ATP6V1B2: variants seen among roughly 807,000 people sequenced by gnomAD.
ATP6V1B2 encodes ATPase H+ transporting V1 subunit B2.
In ATP6V1B2, 23 loss-of-function variants were observed where a neutral mutation model predicts 66.7. The ratio of observed to expected loss-of-function variants is 0.34; its 90% CI spans 0.25 to 0.49. The LOEUF is 0.49. Ranked by LOEUF, ATP6V1B2 falls within the 20% of genes least tolerant of loss-of-function variation. The pLI is 0.99. For missense variants in ATP6V1B2, 478 were observed against 650.8 expected (o/e 0.73, Z 2.89); for synonymous variants, 278 against 236.7 (o/e 1.17, Z -1.60).
chr8:20,214,926 G>A lies in ATP6V1B2; in HGVS notation c.1036G>A (p.Gly346Ser), dbSNP rs750265592. ...ERAGRVEGRN[G>S]SITQIPILTM... Reference sequence around the variant, plus strand: ...CGCTGGGCGAGTGGAAGGGAGAAACGGCTCGATTACTCAAATCCCTATTCT... The same window carrying A: ...CGCTGGGCGAGTGGAAGGGAGAAACAGCTCGATTACTCAAATCCCTATTCT... Residue 346 changes from glycine to serine, a missense_variant, in exon 10 of 14, where the codon GGC becomes AGC. Coordinates refer to ENST00000276390, the MANE Select transcript of ATP6V1B2 (RefSeq NM_001693.4). 10 of 1,613,402 alleles carry A rather than the reference G, an allele frequency of 6.2e-6. No individual in the cohort carries two copies. The highest frequency in any genetic ancestry group is 1.3e-5 in the African/African-American group (1 of 74,826).
chr8:20,208,433 C>T (rs536953990), intron 2 of ATP6V1B2, among the ~76,000 whole-genome samples: 1 of 152,272 alleles, frequency 6.6e-6, no homozygotes, highest in South Asian at 2.1e-4. Context: ...CTTTTCACAT[C>T]ACACAAAATA....
chr8:20,216,370 C>T (rs1417396459), intron 10 of ATP6V1B2, 43 bp from the exon 11 acceptor site: 1 of 1,558,806 alleles, frequency 6.4e-7, no homozygotes. Context: ...AAACTCATAA[C>T]CTAAAGATGC....
intron 5 of ATP6V1B2, among the ~76,000 whole-genome samples, chr8:20,210,924 C>T (rs765534041): frequency 3.9e-4 from 60 of 151,944 alleles, no homozygotes; most frequent in Non-Finnish European, 6.9e-4. Context: ...CTCTTATTTG[C>T]TATATCTTTA....
chr8:20,202,246 T>C (rs2072695307), intron 1 of ATP6V1B2, among the ~76,000 whole-genome samples: 2 of 152,190 alleles, frequency 1.3e-5, no homozygotes, highest in South Asian at 4.1e-4. Flanking sequence ...ATTTGGGCTG[T>C]AGTAGAGTCA....
At position 20,211,323 on chromosome 8, in the gene ATP6V1B2, A is replaced by G. The variant is rs751006883; in HGVS notation, c.603+7A>G. On this transcript the variant is annotated splice_region_variant and intron_variant, in intron 6 of 13. Coordinates refer to ENST00000276390, the MANE Select transcript of ATP6V1B2 (RefSeq NM_001693.4). ...TGGGCTACCACACAATGAGGTGAGG[A>G]CTGGGATCGGTTTGCTATGAAGTTT... 3 of 1,608,018 alleles carry G rather than the reference A, an allele frequency of 1.9e-6. No individual in the cohort carries two copies. The East Asian group carries it at 6.7e-5, about 36-fold the overall frequency.
At chr8:20,205,019 T>G (rs914400755) in intron 2 of ATP6V1B2, among the ~76,000 whole-genome samples, 1 of 152,200 alleles carries the variant, frequency 6.6e-6, no homozygotes, top group African/African-American at 2.4e-5. Flanking sequence ...AGATGAAACC[T>G]AGTGAGTTTA....
chr8:20,208,010 A>C (rs2072755816), intron 2 of ATP6V1B2, among the ~76,000 whole-genome samples: 1 of 152,250 alleles, frequency 6.6e-6, no homozygotes, highest in Non-Finnish European at 1.5e-5. Context: ...AACTAAAATG[A>C]TGCTGTTTTT....
intron 2 of ATP6V1B2, among the ~76,000 whole-genome samples, chr8:20,206,821 G>A (rs1030395828): frequency 3.3e-5 from 5 of 152,062 alleles, no homozygotes; most frequent in African/African-American, 1.2e-4. Context: ...CAGGGGATGG[G>A]GCTGAAATTT....
intron 1 of ATP6V1B2, among the ~76,000 whole-genome samples, chr8:20,198,203 G>C (rs1433976583): frequency 1.3e-5 from 2 of 152,208 alleles, no homozygotes; most frequent in African/African-American, 4.8e-5. Context: ...GAAGGGGTAG[G>C]ATTTGCCATG....
In ATP6V1B2 at chr8:20,220,339, G is replaced by A. The variant is rs754924967; in HGVS notation, c.1473G>A (p.Met491Ile). The A allele has an allele frequency of 1.9e-6, 3 of 1,604,356 alleles. No homozygotes were observed. Among genetic ancestry groups the A allele is most frequent in the Non-Finnish European group, 2.5e-6 (3 of 1,176,672 alleles). Reference protein sequence around the residue: ...WQLLRIFPKEMLKRIPQSTLS... With the variant: ...WQLLRIFPKEILKRIPQSTLS... Reference sequence around the variant, plus strand: ...TACTCCGAATCTTCCCCAAAGAAATGCTGAAGAGAATCCCTCAGAGCACCC... The same window carrying A: ...TACTCCGAATCTTCCCCAAAGAAATACTGAAGAGAATCCCTCAGAGCACCC... Residue 491 changes from methionine (M) to isoleucine (I), a missense_variant, in exon 14 of 14, where the codon ATG (methionine) becomes ATA (isoleucine). Physicochemically the swap from Met to Ile is conservative, Grantham distance 10. Transcript: ENST00000276390.
chr8:20,214,204 G>T (rs1054805751), intron 9 of ATP6V1B2: 1 of 152,190 alleles, frequency 6.6e-6, no homozygotes, highest in African/African-American at 2.4e-5. Context: ...CTATAGTCTG[G>T]TATCCATGTC....
In ATP6V1B2 at chr8:20,197,390, G is replaced by C. The variant is rs1313442232; in HGVS notation, c.-17G>C. ...GCGCGGCGTCGCTGCTGGGCCAGTC[G>C]GGACAGAGGAGACAAGATGGCGCTG... On this transcript the variant is annotated 5_prime_UTR_variant, in exon 1 of 14. Transcript: ENST00000276390. 4 of 1,506,022 alleles carry C rather than the reference G, an allele frequency of 2.7e-6. No homozygotes were observed. The highest frequency in any genetic ancestry group is 1.3e-5 in the South Asian group (1 of 79,880). The allele number at this position is 1,506,022 out of a possible 1,614,324, so 93.3% of individuals were successfully genotyped here. A position where few individuals can be genotyped will look rare whatever the true frequency, so the allele number is the denominator to read the frequency against.
intron 2 of ATP6V1B2, among the ~76,000 whole-genome samples, chr8:20,206,240 G>A (rs927375622): frequency 6.6e-6 from 1 of 152,154 alleles, no homozygotes; most frequent in Admixed American, 6.5e-5. Context: ...TAACAATTCA[G>A]TTCTTTGGGG....
chr8:20,217,002 CT>C, intron 11 of ATP6V1B2: 1 of 532,438 alleles, frequency 1.9e-6, no homozygotes, highest in South Asian at 2.2e-5. Flanking sequence ...ATAGATGACA[CT>C]TTTTTGGATT....
intron 13 of ATP6V1B2, 115 bp from the exon 14 acceptor site, chr8:20,220,148 C>CTT: frequency 4.2e-5 from 48 of 1,132,010 alleles, no homozygotes; most frequent in South Asian, 9.0e-5. Flanking sequence ...GGAGTCCCAA[C>CTT]TTTTTTTTTT....
In ATP6V1B2 at chr8:20,220,557, A is replaced by G; in HGVS notation, c.*155A>G. 1 of 1,085,094 alleles carries G rather than the reference A, an allele frequency of 9.2e-7. No individual in the cohort carries two copies. Among genetic ancestry groups the G allele is most frequent in the African/African-American group, 1.6e-5 (1 of 61,026 alleles). 67.2% of individuals were successfully genotyped at this position (1,085,094 alleles called of 1,614,324 possible). ...GGTAACATATTGTGCCAGTGTTGCA[A>G]CGTTTTAAACTGCTAACAGACCTTA... is the stretch of plus-strand genomic sequence containing the variant. On this transcript the variant is annotated 3_prime_UTR_variant, in exon 14 of 14. Transcript: ENST00000276390.
chr8:20,218,070 C>CTA, intron 12 of ATP6V1B2, 83 bp from the exon 13 acceptor site: 5 of 1,520,146 alleles, frequency 3.3e-6, no homozygotes, highest in Non-Finnish European at 4.4e-6. Flanking sequence ...GTGAGGAGAA[C>CTA]TAGAGCAGTA....
In ATP6V1B2 at chr8:20,220,666, G is replaced by A; in HGVS notation, c.*264G>A. 2.9e-6 allele frequency: 1 copy of A among 344,610 alleles called. No homozygotes were observed. The highest frequency in any genetic ancestry group is 5.1e-6 in the Non-Finnish European group (1 of 196,064). The allele number at this position is 344,610 out of a possible 1,614,324, so 21.3% of individuals were successfully genotyped here. On this transcript the variant is annotated 3_prime_UTR_variant, in exon 14 of 14. Coordinates refer to ENST00000276390, the MANE Select transcript of ATP6V1B2 (RefSeq NM_001693.4). ...GCGTTTTCTTATTGCTGTATGTATT[G>A]TACATAGTGGAGTAGTTAGTTACCT...
chr8:20,216,345 G>C (rs949912225), intron 10 of ATP6V1B2, 68 bp from the exon 11 acceptor site: 4 of 1,436,808 alleles, frequency 2.8e-6, no homozygotes, highest in Non-Finnish European at 3.9e-6. Context: ...TTGGTTCTGA[G>C]AGATGGCCGC....
Sources: gnomAD v4.1 joint callset for allele counts (sites outside exome capture counted in the v4.1 genomes callset) on GRCh38, gnomAD v4.1.1 for gene constraint, MANE v1.5 for transcripts, NCBI Gene and HGNC (gene_info 2026-07-23, HGNC 2026-07-21) for gene names.